The following GRM7 variants were observed in gnomAD, a reference collection of about 807,000 sequenced individuals.
The protein encoded by GRM7 is metabotropic glutamate receptor 7.
Under a neutral mutation model 84.5 loss-of-function variants are expected in GRM7, and 35 were observed. The observed-to-expected ratio is 0.41, with a 90% CI of 0.32 to 0.55. GRM7 has a LOEUF of 0.55. GRM7 is among the 20% of genes least tolerant of loss of function. The pLI is 0.19. For synonymous variants in GRM7, 487 were observed against 455.1 expected (o/e 1.07, Z -0.89); for missense variants, 1,003 against 1,194.6 (o/e 0.84, Z 2.36).
chr3:7,130,489 G>A (rs1342499755), intron 1 of GRM7, among the ~76,000 whole-genome samples: 1 of 150,806 alleles, frequency 6.6e-6, no homozygotes, highest in Non-Finnish European at 1.5e-5. Flanking sequence ...GTTGCAGGGA[G>A]CCGAGATCGC....
chr3:7,210,595 C>G (rs978248458), intron 2 of GRM7, among the ~76,000 whole-genome samples: 3 of 151,962 alleles, frequency 2.0e-5, no homozygotes, highest in Non-Finnish European at 4.4e-5. Context: ...AATTTAAGAT[C>G]CTGCACCCTT....
chr3:7,524,366 C>A (rs1700711711), intron 7 of GRM7, among the ~76,000 whole-genome samples: 1 of 138,808 alleles, frequency 7.2e-6, no homozygotes, highest in Admixed American at 7.3e-5. Flanking sequence ...ACCTACTCAT[C>A]TGACAAAGGG....
At chr3:7,340,955 C>T (rs936334568) in intron 4 of GRM7, among the ~76,000 whole-genome samples, 4 of 152,076 alleles carry the variant, frequency 2.6e-5, no homozygotes, top group African/African-American at 7.2e-5. Context: ...GTACCTGGCA[C>T]CTGCAGAGAG....
chr3:7,043,013 C>T (rs993996017), intron 1 of GRM7, among the ~76,000 whole-genome samples: 6 of 152,172 alleles, frequency 3.9e-5, no homozygotes, highest in African/African-American at 1.4e-4. Context: ...TGTTAAAGAG[C>T]TAAGTTTTGC....
At chr3:6,901,775 A>T (rs970332371) in intron 1 of GRM7, among the ~76,000 whole-genome samples, 1 of 151,486 alleles carries the variant, frequency 6.6e-6, no homozygotes, top group Non-Finnish European at 1.5e-5. Flanking sequence ...GTTGACTAGT[A>T]TTTTTGTTAT....
chr3:7,672,827 C>T (rs916198083), intron 8 of GRM7, among the ~76,000 whole-genome samples: 9 of 152,066 alleles, frequency 5.9e-5, no homozygotes, highest in African/African-American at 2.2e-4. Context: ...GATCTCCTGA[C>T]CTCATGATCC....
chr3:7,068,613 A>G (rs1697753024), intron 1 of GRM7, among the ~76,000 whole-genome samples: 1 of 152,118 alleles, frequency 6.6e-6, no homozygotes, highest in Admixed American at 6.6e-5. Flanking sequence ...TTAAACTGAG[A>G]TAGTATATTA....
intron 4 of GRM7, among the ~76,000 whole-genome samples, chr3:7,380,510 T>G (rs1254931944): frequency 1.3e-5 from 2 of 152,208 alleles, no homozygotes; most frequent in African/African-American, 4.8e-5. Flanking sequence ...ACATTTATTC[T>G]CTCTCAACCT....
At chr3:7,286,463 G>A (rs972168938) in intron 2 of GRM7, among the ~76,000 whole-genome samples, 8 of 152,054 alleles carry the variant, frequency 5.3e-5, no homozygotes, top group African/African-American at 7.2e-5. Context: ...AATGATTTGC[G>A]GATTCAGCTA....
intron 9 of GRM7, among the ~76,000 whole-genome samples, chr3:7,732,046 T>C (rs74355939): frequency 1.3e-5 from 2 of 149,836 alleles, no homozygotes; most frequent in Admixed American, 6.6e-5. Flanking sequence ...CTCGTGTCTA[T>C]TAAGCTTTTT....
intron 4 of GRM7, among the ~76,000 whole-genome samples, chr3:7,347,771 T>A (rs1202911880): frequency 3.3e-5 from 5 of 152,160 alleles, no homozygotes; most frequent in Non-Finnish European, 7.3e-5. Flanking sequence ...TTCCAAGGCA[T>A]CCTAGGTTAG....
chr3:7,697,010 G>T (rs1268735776), intron 9 of GRM7, among the ~76,000 whole-genome samples: 1 of 152,096 alleles, frequency 6.6e-6, no homozygotes, highest in Non-Finnish European at 1.5e-5. Flanking sequence ...ACCTCCCTCA[G>T]CATCTCAGGT....
At chr3:7,373,865 A>G (rs1316413152) in intron 4 of GRM7, among the ~76,000 whole-genome samples, 2 of 152,222 alleles carry the variant, frequency 1.3e-5, no homozygotes, top group Non-Finnish European at 2.9e-5. Context: ...TAGCTATCAA[A>G]CCTTGGAAAT....
intron 4 of GRM7, among the ~76,000 whole-genome samples, chr3:7,411,096 G>A (rs1273492763): frequency 6.6e-6 from 1 of 152,054 alleles, no homozygotes; most frequent in Non-Finnish European, 1.5e-5. Flanking sequence ...CTTCTCCTGT[G>A]TGTCTCTCTT....
At chr3:7,292,724 T>A (rs1188154093) in intron 2 of GRM7, among the ~76,000 whole-genome samples, 1 of 150,856 alleles carries the variant, frequency 6.6e-6, no homozygotes, top group Admixed American at 6.6e-5. Flanking sequence ...TTCTTTTTTT[T>A]TTAAAAAAAA....
chr3:7,593,936 C>T (rs1423608736), intron 8 of GRM7, among the ~76,000 whole-genome samples: 1 of 151,178 alleles, frequency 6.6e-6, no homozygotes, highest in African/African-American at 2.4e-5. Context: ...TGACACAATC[C>T]ACAGAAGGGG....
At chr3:6,963,607 C>G (rs1457968256) in intron 1 of GRM7, among the ~76,000 whole-genome samples, 1 of 152,062 alleles carries the variant, frequency 6.6e-6, no homozygotes, top group Non-Finnish European at 1.5e-5. Context: ...GAGCTTGCCT[C>G]TAACTAAATA....
chr3:6,884,067 GT>G (rs1221885861), intron 1 of GRM7, among the ~76,000 whole-genome samples: 1 of 152,180 alleles, frequency 6.6e-6, no homozygotes, highest in Non-Finnish European at 1.5e-5. Context: ...ATTCCAACAT[GT>G]TTTTGCAGTG....
chr3:6,993,427 A>C (rs534156595), intron 1 of GRM7, among the ~76,000 whole-genome samples: 1 of 152,328 alleles, frequency 6.6e-6, no homozygotes, highest in African/African-American at 2.4e-5. Context: ...AGACAGACTG[A>C]GAAAAAGCAA....
Sources: allele counts gnomAD v4.1 joint callset (sites outside exome capture counted in the v4.1 genomes callset), GRCh38; gene constraint gnomAD v4.1.1; transcripts MANE v1.5; gene names NCBI Gene and HGNC (gene_info 2026-07-23, HGNC 2026-07-21).